Variants in OSBPL10 observed in about 807,000 individuals in gnomAD.
OSBPL10 encodes the protein oxysterol-binding protein-related protein 10.
Under a neutral mutation model 81.7 loss-of-function variants are expected in OSBPL10, and 49 were observed. The ratio of observed to expected loss-of-function variants is 0.60; its 90% CI spans 0.48 to 0.76. OSBPL10 has a LOEUF of 0.76. Ranked by LOEUF, OSBPL10 falls within the 30% of genes least tolerant of loss-of-function variation. OSBPL10 has a pLI of 0.00. For synonymous variants in OSBPL10, 419 were observed against 383.6 expected (o/e 1.09, Z -1.08); for missense variants, 923 against 987.8 (o/e 0.93, Z 0.88).
chr3:31,926,538 A>C (rs956927046), intron 1 of OSBPL10, among the ~76,000 whole-genome samples: 8 of 152,174 alleles, frequency 5.3e-5, no homozygotes, highest in African/African-American at 1.9e-4. Context: ...TGGAATATGG[A>C]GACAGGAAAT....
At chr3:31,901,888 G>C (rs1188722153) in intron 1 of OSBPL10, among the ~76,000 whole-genome samples, 1 of 152,104 alleles carries the variant, frequency 6.6e-6, no homozygotes, top group Non-Finnish European at 1.5e-5. Flanking sequence ...AAATCAGCTA[G>C]GTATGGTGCC....
intron 4 of OSBPL10, among the ~76,000 whole-genome samples, chr3:31,748,526 A>G (rs561834966): frequency 7.9e-5 from 12 of 151,594 alleles, no homozygotes; most frequent in Non-Finnish European, 1.6e-4. Flanking sequence ...CCAGCTCCAA[A>G]CCTTAACTCT....
intron 7 of OSBPL10, among the ~76,000 whole-genome samples, chr3:31,690,673 G>A (rs185696330): frequency 1.4e-4 from 21 of 152,278 alleles, no homozygotes; most frequent in Non-Finnish European, 2.2e-4. Flanking sequence ...TTAAAATGAC[G>A]TGGCTTTGTC....
chr3:31,814,086 A>G (rs973692605), intron 4 of OSBPL10, among the ~76,000 whole-genome samples: 2 of 152,166 alleles, frequency 1.3e-5, no homozygotes, highest in African/African-American at 4.8e-5. Flanking sequence ...TAGTGGGGAC[A>G]AGAGAGAACC....
At chr3:31,920,923 G>T (rs144056950) in intron 1 of OSBPL10, among the ~76,000 whole-genome samples, 14 of 152,076 alleles carry the variant, frequency 9.2e-5, no homozygotes, top group African/African-American at 3.4e-4. Context: ...AGCAGATACC[G>T]GCACTATGTT....
chr3:31,719,094 C>T (rs1696551463), intron 6 of OSBPL10, among the ~76,000 whole-genome samples: 1 of 152,242 alleles, frequency 6.6e-6, no homozygotes, highest in Non-Finnish European at 1.5e-5. Flanking sequence ...CCTGCTGGCT[C>T]ATTCCAGTGG....
At chr3:31,821,317 G>A (rs1487384821) in intron 4 of OSBPL10, among the ~76,000 whole-genome samples, 2 of 152,146 alleles carry the variant, frequency 1.3e-5, no homozygotes, top group African/African-American at 4.8e-5. Context: ...GTGTTCCACA[G>A]ACCACACAAA....
chr3:31,981,049 G>C lies in OSBPL10; in HGVS notation c.131C>G (p.Ser44Trp). Residue 44 changes from serine (S) to tryptophan (W), a missense_variant, in exon 1 of 12, where the codon TCG becomes TGG. Coordinates refer to ENST00000396556, the MANE Select transcript of OSBPL10 (RefSeq NM_017784.5). The surrounding 1 kb of genome is among the most constrained non-coding windows in gnomAD (Gnocchi z 4.5). ...SLAGRGVSSR[S>W]AAAGLGGGGS... ...CCCGCCGCCGAGCCCGGCCGCCGCC[G>C]ACCGGCTGGAGACCCCCCGGCCCGC... 2.0e-6 allele frequency: 3 copies of C among 1,481,260 alleles called. No individual in the cohort carries two copies. The highest frequency in any genetic ancestry group is 2.7e-6 in the Non-Finnish European group (3 of 1,120,174). The allele number at this position is 1,481,260 out of a possible 1,614,324, so 91.8% of individuals were successfully genotyped here. A position where few individuals can be genotyped will look rare whatever the true frequency, so the allele number is the denominator to read the frequency against.
intron 3 of OSBPL10, among the ~76,000 whole-genome samples, chr3:31,840,825 G>A (rs945984917): frequency 6.6e-6 from 1 of 152,226 alleles, no homozygotes; most frequent in African/African-American, 2.4e-5. Flanking sequence ...TTCCCAGTAA[G>A]GCACTTTTGC....
chr3:31,718,970 G>A (rs1318906674), intron 6 of OSBPL10: 2 of 152,122 alleles, frequency 1.3e-5, no homozygotes, highest in African/African-American at 4.8e-5. Flanking sequence ...TTAATAAGAG[G>A]ACTGCTAGAG....
chr3:31,752,287 A>G (rs1047571211), intron 4 of OSBPL10, among the ~76,000 whole-genome samples: 1 of 152,234 alleles, frequency 6.6e-6, no homozygotes, highest in Non-Finnish European at 1.5e-5. Context: ...TTAATCATCC[A>G]TGATTGTTTA....
intron 2 of OSBPL10, among the ~76,000 whole-genome samples, chr3:32,005,232 C>A (rs1185477360): frequency 2.0e-5 from 3 of 151,954 alleles, no homozygotes; most frequent in African/African-American, 7.3e-5. Flanking sequence ...CCCCTTGCCC[C>A]CTATCCCCAA....
chr3:31,748,232 C>T (rs2290533), intron 4 of OSBPL10, 112 bp from the exon 5 acceptor site: 395,250 of 920,574 alleles, frequency 0.43, 91,411 homozygotes, highest in East Asian at 0.77. Flanking sequence ...GTCAACTCAG[C>T]GTGTTCGGTG....
At chr3:32,048,348 C>A (rs1575092205) in intron 1 of OSBPL10, among the ~76,000 whole-genome samples, 1 of 147,808 alleles carries the variant, frequency 6.8e-6, no homozygotes, top group African/African-American at 2.6e-5. Flanking sequence ...TCACTCATTG[C>A]CCAGGCTGGA....
intron 2 of OSBPL10, among the ~76,000 whole-genome samples, chr3:32,018,132 G>A (rs998200565): frequency 6.8e-6 from 1 of 147,070 alleles, no homozygotes; most frequent in Non-Finnish European, 1.5e-5. Flanking sequence ...TGGGCAACAA[G>A]AGTAAAACTC....
At chr3:31,977,789 T>C (rs1559539891) in intron 1 of OSBPL10, among the ~76,000 whole-genome samples, 1 of 152,236 alleles carries the variant, frequency 6.6e-6, no homozygotes, top group Admixed American at 6.5e-5. Context: ...AATGTTATTA[T>C]GCCTGAAATA....
intron 2 of OSBPL10, among the ~76,000 whole-genome samples, chr3:32,044,504 G>A (rs1699605908): frequency 6.6e-6 from 1 of 151,194 alleles, no homozygotes; most frequent in African/African-American, 2.4e-5. Context: ...CACTTTGGGA[G>A]GCCAAGGCGG....
intron 3 of OSBPL10, among the ~76,000 whole-genome samples, chr3:31,847,381 G>A (rs1700660810): frequency 6.6e-6 from 1 of 152,026 alleles, no homozygotes; most frequent in Non-Finnish European, 1.5e-5. Flanking sequence ...CTTTGACGGG[G>A]TTTCACCATG....
At chr3:32,012,992 A>G (rs893107281) in intron 2 of OSBPL10, among the ~76,000 whole-genome samples, 7 of 152,194 alleles carry the variant, frequency 4.6e-5, no homozygotes, top group African/African-American at 1.7e-4. Context: ...CACAATAATA[A>G]TGGGAGACTT....
Sources: gnomAD v4.1 joint callset for allele counts (sites outside exome capture counted in the v4.1 genomes callset) on GRCh38, gnomAD v4.1.1 for gene constraint, Gnocchi (gnomAD v3.1) non-coding constraint, MANE v1.5 for transcripts, NCBI Gene and HGNC (gene_info 2026-07-23, HGNC 2026-07-21) for gene names.